The following UPRT variants were observed in gnomAD, a reference collection of about 807,000 sequenced individuals.
UPRT encodes the protein RP11-311P8.3.
A neutral mutation model predicts 22.6 loss-of-function variants in UPRT; 5 were observed. The observed-to-expected ratio is 0.22, with a 90% CI of 0.12 to 0.47. UPRT has a LOEUF of 0.47. Among genes scored for constraint, UPRT ranks in the 20% least tolerant of loss-of-function variants. The pLI is 0.99. For synonymous variants in UPRT, 77 were observed against 87.7 expected (o/e 0.88, Z 0.68); for missense variants, 181 against 239.9 (o/e 0.75, Z 1.62).
chrX:75,191,630 C>A (rs967335776), intron 4 of UPRT, among the ~76,000 whole-genome samples: 2 of 112,191 alleles, frequency 1.8e-5, no homozygotes, highest in Non-Finnish European at 3.8e-5. Flanking sequence ...GCTTCCTGGC[C>A]GCTTTGTTTA....
intron 4 of UPRT, among the ~76,000 whole-genome samples, chrX:75,225,851 T>C (rs918092711): frequency 9.0e-6 from 1 of 111,111 alleles, no homozygotes; most frequent in African/African-American, 3.3e-5. Context: ...TACGCTGATT[T>C]CTCTCAAATG....
At chrX:75,224,509 G>C (rs750845956) in intron 4 of UPRT, among the ~76,000 whole-genome samples, 1 of 110,445 alleles carries the variant, frequency 9.1e-6, no homozygotes. Flanking sequence ...ATCCTCAGGA[G>C]GGCAAAGTTT....
intron 4 of UPRT, among the ~76,000 whole-genome samples, chrX:75,178,507 G>A (rs184149104): frequency 9.0e-5 from 10 of 111,714 alleles, no homozygotes; most frequent in Admixed American, 2.8e-4. Flanking sequence ...ATGAAGCCGC[G>A]GACCCTCACG....
At chrX:75,234,544 G>C (rs1250559443) in intron 4 of UPRT, among the ~76,000 whole-genome samples, 7 of 111,220 alleles carry the variant, frequency 6.3e-5, no homozygotes, top group Admixed American at 9.6e-5. Context: ...AAGTAAAGCT[G>C]TCCTCAGCAA....
chrX:75,213,683 ATTAAT>A (rs1381239118), intron 4 of UPRT, among the ~76,000 whole-genome samples: 1 of 111,665 alleles, frequency 9.0e-6, no homozygotes, highest in Non-Finnish European at 1.9e-5. Context: ...TAGTAGCTGT[ATTAAT>A]TTAAGACAAA....
chrX:75,235,158 A>G (rs898436505), intron 4 of UPRT, among the ~76,000 whole-genome samples: 1 of 110,825 alleles, frequency 9.0e-6, no homozygotes, highest in African/African-American at 3.4e-5. Flanking sequence ...CTATAAACAC[A>G]TCTATGCAAA....
intron 4 of UPRT, among the ~76,000 whole-genome samples, chrX:75,201,956 T>C (rs2082348301): frequency 9.0e-6 from 1 of 111,565 alleles, no homozygotes; most frequent in South Asian, 3.8e-4. Flanking sequence ...TCAGCTGTGA[T>C]TTGTAAAAAT....
intron 4 of UPRT, among the ~76,000 whole-genome samples, chrX:75,173,744 C>T (rs4892550): frequency 0.65 from 71,873 of 110,627 alleles, 20,709 homozygotes; most frequent in Non-Finnish European, 0.91. Context: ...CCCTGCCCCG[C>T]GGGAAGGCAG....
intron 1 of UPRT, among the ~76,000 whole-genome samples, chrX:75,284,182 A>C (rs1051683247): frequency 2.7e-4 from 30 of 111,275 alleles, no homozygotes; most frequent in African/African-American, 9.5e-4. Context: ...GTTTCCTTGA[A>C]TATTTCTCCA....
intron 4 of UPRT, among the ~76,000 whole-genome samples, chrX:75,263,968 G>A (rs369742937): frequency 2.7e-5 from 3 of 110,240 alleles, no homozygotes; most frequent in African/African-American, 9.8e-5. Flanking sequence ...CCTTCATTTC[G>A]TTATGTACCC....
At chrX:75,287,020 G>A (rs1214739122) in intron 1 of UPRT, among the ~76,000 whole-genome samples, 1 of 111,557 alleles carries the variant, frequency 9.0e-6, no homozygotes, top group Non-Finnish European at 1.9e-5. Context: ...AGTAATATGT[G>A]TATAACATTA....
intron 4 of UPRT, among the ~76,000 whole-genome samples, chrX:75,184,662 G>T (rs1416948548): frequency 9.3e-6 from 1 of 107,809 alleles, no homozygotes; most frequent in African/African-American, 3.4e-5. Flanking sequence ...CATGAGCATG[G>T]AATGTTCTTC....
At chrX:75,172,532 G>A (rs1233684998) in intron 4 of UPRT, among the ~76,000 whole-genome samples, 1 of 112,054 alleles carries the variant, frequency 8.9e-6, no homozygotes, top group Non-Finnish European at 1.9e-5. Flanking sequence ...AGCAAGCAGT[G>A]CTTTTGTGTC....
intron 4 of UPRT, among the ~76,000 whole-genome samples, chrX:75,179,540 C>T (rs2082261999): frequency 8.8e-6 from 1 of 113,314 alleles, no homozygotes; most frequent in Non-Finnish European, 1.9e-5. Flanking sequence ...CTTGGGTGGT[C>T]GATGGGACTG....
intron 4 of UPRT, among the ~76,000 whole-genome samples, chrX:75,236,980 G>A (rs1235017113): frequency 8.9e-6 from 1 of 112,160 alleles, no homozygotes; most frequent in Non-Finnish European, 1.9e-5. Flanking sequence ...CTTCTGCACA[G>A]CAAAAGAAAC....
chrX:75,261,972 C>T (rs2082569597), intron 4 of UPRT, among the ~76,000 whole-genome samples: 1 of 110,982 alleles, frequency 9.0e-6, no homozygotes, highest in Non-Finnish European at 1.9e-5. Flanking sequence ...AACTCCAAGA[C>T]ACATAATATT....
chrX:75,255,147 C>T (rs1272808820), intron 4 of UPRT, among the ~76,000 whole-genome samples: 2 of 111,587 alleles, frequency 1.8e-5, no homozygotes, highest in Admixed American at 9.5e-5. Context: ...AGACTAACAG[C>T]AGATTTCTCA....
chrX:75,193,120 T>C (rs773201289), intron 4 of UPRT, among the ~76,000 whole-genome samples: 5 of 112,344 alleles, frequency 4.5e-5, no homozygotes, highest in African/African-American at 6.5e-5. Context: ...TTTGTTTCCA[T>C]ATTTAGCACT....
intron 4 of UPRT, among the ~76,000 whole-genome samples, chrX:75,231,265 G>T (rs2082437662): frequency 8.9e-6 from 1 of 111,832 alleles, no homozygotes; most frequent in African/African-American, 3.2e-5. Flanking sequence ...GACAATCACA[G>T]CTTCTGGAAG....
Sources: gnomAD v4.1 joint callset for allele counts (sites outside exome capture counted in the v4.1 genomes callset) on GRCh38, gnomAD v4.1.1 for gene constraint, MANE v1.5 for transcripts, NCBI Gene and HGNC (gene_info 2026-07-23, HGNC 2026-07-21) for gene names.